Variants in XRN1 observed in about 807,000 individuals in gnomAD.
XRN1 encodes 5'-3' exoribonuclease 1.
A neutral mutation model predicts 222.3 loss-of-function variants in XRN1; 67 were observed. That is an observed-to-expected ratio of 0.30 (90% CI 0.25 to 0.37). The LOEUF (loss-of-function observed/expected upper bound fraction) is 0.37, where lower values mean the gene tolerates loss of function less well. Ranked by LOEUF, XRN1 falls within the 10% of genes least tolerant of loss-of-function variation. XRN1 has a pLI of 1.00. For missense variants in XRN1, 1,707 were observed against 2,000.2 expected (o/e 0.85, Z 2.80); for synonymous variants, 643 against 652.4 (o/e 0.99, Z 0.22).
At chr3:142,317,248 A>AT (rs1274782457) in intron 39 of XRN1, among the ~76,000 whole-genome samples, 5 of 151,998 alleles carry the variant, frequency 3.3e-5, no homozygotes, top group Non-Finnish European at 5.9e-5. Context: ...AAAGTTTATT[A>AT]TTTTTTTGAC....
At chr3:142,393,465 C>G (rs546432660) in intron 20 of XRN1, among the ~76,000 whole-genome samples, 11 of 148,146 alleles carry the variant, frequency 7.4e-5, no homozygotes, top group African/African-American at 2.8e-4. Context: ...TTAGGTCTAA[C>G]GTTTAAGTCT....
chr3:142,431,883 A>ATG (rs2069568455), intron 2 of XRN1, among the ~76,000 whole-genome samples: 4 of 49,956 alleles, frequency 8.0e-5, no homozygotes, highest in African/African-American at 5.2e-4. Context: ...TATTATATAT[A>ATG]TTATATATAA....
At chr3:142,426,689 C>A in intron 3 of XRN1, 55 bp downstream of exon 3, 9 of 1,518,816 alleles carry the variant, frequency 5.9e-6, no homozygotes, top group South Asian at 4.8e-5. Flanking sequence ...ATTTAAAAAC[C>A]AAGTTTTCAA....
intron 30 of XRN1, among the ~76,000 whole-genome samples, chr3:142,359,569 G>C (rs2066560377): frequency 1.3e-5 from 2 of 152,084 alleles, no homozygotes; most frequent in South Asian, 4.2e-4. Context: ...AGGCCTTTCT[G>C]TTACTCTCAG....
rs548473423 is a variant in XRN1 at position 142,324,085 on chromosome 3, G to GT, written c.4405-5183dup. Among the ~76,000 whole-genome samples the GT allele has an allele frequency of 1.1e-3, 155 of 145,132 alleles. 1 individual carries two copies. Among genetic ancestry groups the GT allele is most frequent in the African/African-American group, 1.9e-3 (76 of 39,724 alleles). On this transcript the variant is annotated intron_variant, in intron 37 of 40. Coordinates refer to ENST00000392981, the MANE Select transcript of XRN1 (RefSeq NM_001282857.2). ...ATATATATTATTGGGTTTTTTTTCA[G>GT]TTTTTTTTTTATTATTTTTATTTTT...
intron 37 of XRN1, among the ~76,000 whole-genome samples, chr3:142,327,070 A>G (rs2065537271): frequency 6.6e-6 from 1 of 152,044 alleles, no homozygotes; most frequent in Admixed American, 6.6e-5. Flanking sequence ...ATCGGCCTGT[A>G]GTTCTCATTT....
chr3:142,391,657 A>T (rs2067716767), intron 20 of XRN1, among the ~76,000 whole-genome samples: 1 of 151,156 alleles, frequency 6.6e-6, no homozygotes, highest in African/African-American at 2.4e-5. Context: ...CGAACTCAGG[A>T]GCTCCAGGTT....
chr3:142,390,251 G>A (rs1195047253), intron 20 of XRN1, among the ~76,000 whole-genome samples: 2 of 152,170 alleles, frequency 1.3e-5, no homozygotes, highest in Non-Finnish European at 2.9e-5. Context: ...GATTTTTGAG[G>A]CTTTGAAGCC....
At chr3:142,434,398 G>T (rs113294235) in intron 1 of XRN1, among the ~76,000 whole-genome samples, 1 of 151,804 alleles carries the variant, frequency 6.6e-6, no homozygotes, top group Admixed American at 6.6e-5. Flanking sequence ...TTGAATTCCC[G>T]AGCTCAAGCG....
intron 32 of XRN1, among the ~76,000 whole-genome samples, chr3:142,350,629 C>T (rs903352459): frequency 2.0e-5 from 3 of 152,154 alleles, no homozygotes; most frequent in African/African-American, 7.2e-5. Flanking sequence ...TACTAGACTA[C>T]TGTAACCATC....
chr3:142,345,323 G>T (rs1247538546), intron 33 of XRN1, among the ~76,000 whole-genome samples: 6 of 152,116 alleles, frequency 3.9e-5, no homozygotes, highest in Non-Finnish European at 8.8e-5. Flanking sequence ...AACAAACAAT[G>T]TTTGGATAAA....
chr3:142,334,742 G>A (rs1383479657), intron 34 of XRN1, among the ~76,000 whole-genome samples: 1 of 146,506 alleles, frequency 6.8e-6, no homozygotes, highest in Non-Finnish European at 1.5e-5. Context: ...TAATGTCTAT[G>A]TGTGTGTATA....
At chr3:142,331,733 T>C (rs999655935) in intron 36 of XRN1, among the ~76,000 whole-genome samples, 1 of 152,202 alleles carries the variant, frequency 6.6e-6, no homozygotes, top group African/African-American at 2.4e-5. Flanking sequence ...CAAGAAGACA[T>C]TTAGTGACTG....
At chr3:142,395,178 T>C (rs2067881341) in intron 20 of XRN1, among the ~76,000 whole-genome samples, 1 of 152,054 alleles carries the variant, frequency 6.6e-6, no homozygotes, top group Non-Finnish European at 1.5e-5. Context: ...AGAGCAACAG[T>C]AATCTTGTGA....
In XRN1 at chr3:142,343,371, T is replaced by C. The variant is rs532974236; in HGVS notation, c.3877+3863A>G. Reference sequence around the variant, plus strand: ...CAGGAGGCTGAGGCAGGAGAATCGCTTGAACCAGTGAGGCGAAGATTTCAG... The same window carrying C: ...CAGGAGGCTGAGGCAGGAGAATCGCCTGAACCAGTGAGGCGAAGATTTCAG... On this transcript the variant is annotated intron_variant, in intron 33 of 40. Coordinates refer to ENST00000392981, the MANE Select transcript of XRN1 (RefSeq NM_001282857.2). Among the ~76,000 whole-genome samples the C allele has an allele frequency of 4.6e-5, 7 of 151,962 alleles. No individual in the cohort carries two copies. In the South Asian group the frequency reaches 1.5e-3, roughly 32 times the overall value.
intron 29 of XRN1, among the ~76,000 whole-genome samples, chr3:142,361,259 C>T (rs2066621850): frequency 6.6e-6 from 1 of 152,100 alleles, no homozygotes. Flanking sequence ...GCATATGTAT[C>T]CAAGAATTTG....
At chr3:142,436,165 T>C (rs994385110) in intron 1 of XRN1, 2 of 151,886 alleles carry the variant, frequency 1.3e-5, no homozygotes, top group African/African-American at 4.8e-5. Context: ...CATGAAAAGA[T>C]GTTCACCATC....
intron 32 of XRN1, among the ~76,000 whole-genome samples, chr3:142,348,392 C>G (rs1435248252): frequency 1.3e-5 from 2 of 151,912 alleles, no homozygotes; most frequent in Admixed American, 6.6e-5. Flanking sequence ...TATTAAATAG[C>G]CAGACTGATG....
chr3:142,432,199 T>A (rs56199144), intron 2 of XRN1, among the ~76,000 whole-genome samples: 4,500 of 99,134 alleles, frequency 0.045, 488 homozygotes, highest in African/African-American at 0.17. Flanking sequence ...AAAATTTATT[T>A]TATATATAAT....
Sources: gnomAD v4.1 joint callset for allele counts (sites outside exome capture counted in the v4.1 genomes callset) on GRCh38, gnomAD v4.1.1 for gene constraint, MANE v1.5 for transcripts, NCBI Gene and HGNC (gene_info 2026-07-23, HGNC 2026-07-21) for gene names.